The following MAML2 variants were observed in gnomAD, a reference collection of about 807,000 sequenced individuals.
The protein encoded by MAML2 is mastermind-like protein 2.
A neutral mutation model predicts 96.1 loss-of-function variants in MAML2; 22 were observed. The observed-to-expected ratio is 0.23, with a 90% confidence interval of 0.16 to 0.33. MAML2 has a LOEUF of 0.33. Among genes scored for constraint, MAML2 ranks in the 10% least tolerant of loss-of-function variants. MAML2 has a pLI of 1.00. For missense variants in MAML2, 1,367 were observed against 1,392.4 expected (o/e 0.98, Z 0.29); for synonymous variants, 561 against 521.3 (o/e 1.08, Z -1.04).
intron 4 of MAML2, among the ~76,000 whole-genome samples, chr11:95,984,707 G>A (rs911266989): frequency 6.6e-6 from 1 of 152,184 alleles, no homozygotes; most frequent in African/African-American, 2.4e-5. Flanking sequence ...AAATAGGGGT[G>A]TTCACAGCCT....
intron 1 of MAML2, among the ~76,000 whole-genome samples, chr11:96,272,875 C>T (rs1862936546): frequency 1.3e-5 from 2 of 152,186 alleles, no homozygotes; most frequent in South Asian, 4.1e-4. Flanking sequence ...CACCCTACAC[C>T]TTTCTGTTTT....
intron 1 of MAML2, among the ~76,000 whole-genome samples, chr11:96,159,769 A>G (rs1861075357): frequency 6.6e-6 from 1 of 152,124 alleles, no homozygotes; most frequent in African/African-American, 2.4e-5. Flanking sequence ...AATCACCTGT[A>G]GGGCTAAAGT....
At chr11:96,299,933 T>C (rs1408465565) in intron 1 of MAML2, among the ~76,000 whole-genome samples, 1 of 152,124 alleles carries the variant, frequency 6.6e-6, no homozygotes, top group Non-Finnish European at 1.5e-5. Context: ...ACTGAAAGTG[T>C]TGGTAAGTTT....
intron 1 of MAML2, among the ~76,000 whole-genome samples, chr11:96,298,455 C>T (rs1863332404): frequency 6.6e-6 from 1 of 151,958 alleles, no homozygotes; most frequent in Admixed American, 6.6e-5. Flanking sequence ...CTCTGAGACT[C>T]AGGAAATGTA....
At chr11:96,001,086 A>G (rs576457) in intron 2 of MAML2, among the ~76,000 whole-genome samples, 4,661 of 152,272 alleles carry the variant, frequency 0.031, 171 homozygotes, top group African/African-American at 0.089. Flanking sequence ...CCCCAATCAT[A>G]TGTTTATAAT....
At chr11:96,110,850 T>C (rs929699558) in intron 1 of MAML2, among the ~76,000 whole-genome samples, 1 of 152,234 alleles carries the variant, frequency 6.6e-6, no homozygotes, top group African/African-American at 2.4e-5. Flanking sequence ...TCCTATTTGA[T>C]CTTGATAACC....
chr11:96,313,122 C>T (rs1270801554), intron 1 of MAML2, among the ~76,000 whole-genome samples: 3 of 152,108 alleles, frequency 2.0e-5, no homozygotes, highest in Non-Finnish European at 2.9e-5. Context: ...CGTCATTATC[C>T]CTCTTGCACA....
At chr11:96,247,854 G>A (rs1862531134) in intron 1 of MAML2, among the ~76,000 whole-genome samples, 1 of 152,036 alleles carries the variant, frequency 6.6e-6, no homozygotes, top group African/African-American at 2.4e-5. Flanking sequence ...GAAACAATCA[G>A]CACACCAACA....
intron 2 of MAML2, among the ~76,000 whole-genome samples, chr11:95,998,286 A>C (rs1011006797): frequency 6.6e-6 from 1 of 152,092 alleles, no homozygotes; most frequent in Non-Finnish European, 1.5e-5. Context: ...CTAGCAAATG[A>C]TCATTCAACC....
chr11:96,008,954 C>T (rs919179498), intron 2 of MAML2, among the ~76,000 whole-genome samples: 8 of 152,052 alleles, frequency 5.3e-5, no homozygotes, highest in African/African-American at 1.4e-4. Flanking sequence ...GTATTGACAC[C>T]GCTGAAATTC....
At chr11:96,164,259 C>T (rs986557962) in intron 1 of MAML2, among the ~76,000 whole-genome samples, 4 of 152,128 alleles carry the variant, frequency 2.6e-5, no homozygotes, top group African/African-American at 9.7e-5. Context: ...CAGTCTATCT[C>T]TGTGAATCTA....
chr11:96,192,681 C>T (rs951876760), intron 1 of MAML2, among the ~76,000 whole-genome samples: 1 of 152,162 alleles, frequency 6.6e-6, no homozygotes, highest in African/African-American at 2.4e-5. Flanking sequence ...TGGAATGACG[C>T]CTTCTAACTA....
chr11:96,042,744 C>CTTTTTTTT, intron 2 of MAML2, among the ~76,000 whole-genome samples: 1 of 116,262 alleles, frequency 8.6e-6, no homozygotes, highest in Non-Finnish European at 1.7e-5. Context: ...CGTTAACGTT[C>CTTTTTTTT]TTTTTTTTTT....
chr11:96,147,491 A>AT (rs985295980), intron 1 of MAML2, among the ~76,000 whole-genome samples: 2 of 152,190 alleles, frequency 1.3e-5, no homozygotes, highest in African/African-American at 4.8e-5. Context: ...GTTAGTTTAT[A>AT]TTTTTTTAAA....
At position 96,244,812 on chromosome 11, in the gene MAML2, G is replaced by A. The variant is rs189250959; in HGVS notation, c.513+96571C>T. ...CATCCACCCATTCATCCATCTATCC[G>A]TCTGTCTGTCCATCCATGCATCCAA... On this transcript the variant is annotated intron_variant, in intron 1 of 4. Coordinates refer to ENST00000524717, the MANE Select transcript of MAML2 (RefSeq NM_032427.4). Among the ~76,000 whole-genome samples the A allele has an allele frequency of 4.5e-4, 68 of 152,130 alleles. 1 individual carries two copies. Among genetic ancestry groups the A allele is most frequent in the African/African-American group, 1.5e-3 (61 of 41,492 alleles).
In MAML2 at chr11:96,092,620, A is replaced by G; in HGVS notation, c.1411T>C (p.Ser471Pro). The G allele has an allele frequency of 6.2e-7, 1 of 1,613,270 alleles. No homozygotes were observed. Among genetic ancestry groups the G allele is most frequent in the Non-Finnish European group, 8.5e-7 (1 of 1,179,494 alleles). The change falls in exon 2 of 5, where the codon TCA (serine) becomes CCA (proline). Residue 471 changes from serine (S) to proline (P), a missense_variant. Ser to Pro is a moderately conservative substitution (Grantham distance 74). Coordinates refer to ENST00000524717, the MANE Select transcript of MAML2 (RefSeq NM_032427.4). This position sits in a 1 kb window ranked among gnomAD's most constrained non-coding sequence, Gnocchi z 4.1. ...WSALPSSAGP[S>P]PGPFGQEKIP... is the part of the protein sequence containing the mutation. ...TTCTCCTGCCCAAATGGACCTGGTG[A>G]TGGTCCAGCAGAAGAGGGCAAGGCT...
chr11:96,025,294 A>G (rs1858498654), intron 2 of MAML2, among the ~76,000 whole-genome samples: 1 of 152,218 alleles, frequency 6.6e-6, no homozygotes. Context: ...GAATTAATGC[A>G]GGAACAGAAA....
At chr11:96,145,680 C>T (rs1860803441) in intron 1 of MAML2, among the ~76,000 whole-genome samples, 1 of 152,146 alleles carries the variant, frequency 6.6e-6, no homozygotes, top group Non-Finnish European at 1.5e-5. Context: ...AAGGGACTGT[C>T]CTGATAAAAT....
intron 1 of MAML2, among the ~76,000 whole-genome samples, chr11:96,205,790 A>G (rs1008045804): frequency 6.6e-6 from 1 of 152,200 alleles, no homozygotes; most frequent in Non-Finnish European, 1.5e-5. Context: ...TCAAAGGTCA[A>G]AGATGTGTCT....
Sources: gnomAD v4.1 joint callset for allele counts (sites outside exome capture counted in the v4.1 genomes callset) on GRCh38, gnomAD v4.1.1 for gene constraint, Gnocchi (gnomAD v3.1) non-coding constraint, MANE v1.5 for transcripts, NCBI Gene and HGNC (gene_info 2026-07-23, HGNC 2026-07-21) for gene names.